The following ARSB variants were observed in gnomAD, a reference collection of about 807,000 sequenced individuals.
ARSB encodes arylsulfatase B.
Under a neutral mutation model 50.9 loss-of-function variants are expected in ARSB, and 41 were observed. The observed-to-expected ratio is 0.81, with a 90% CI of 0.63 to 1.04. ARSB has a LOEUF of 1.04. Ranked by LOEUF, ARSB falls within the 50% of genes least tolerant of loss-of-function variation. The pLI is 0.00. For synonymous variants in ARSB, 269 were observed against 284.8 expected, an observed-to-expected ratio of 0.94 and a Z score of 0.56; for missense variants, 672 against 693.3, an observed-to-expected ratio of 0.97 and a Z score of 0.35.
chr5:78,969,804 A>T (rs1752372637), intron 1 of ARSB, among the ~76,000 whole-genome samples: 1 of 152,190 alleles, frequency 6.6e-6, no homozygotes, highest in Non-Finnish European at 1.5e-5. Context: ...TTTTTAGTAG[A>T]GACGGGGTTT....
chr5:78,816,010 G>A lies in ARSB; in HGVS notation c.1213+23346C>T, dbSNP rs973263970. The A allele has an allele frequency of 1.0e-5, 16 of 1,549,758 alleles. 1 individual carries two copies. The African/African-American group carries it at 1.5e-4, about 14-fold the overall frequency. ...GCAGGAGCCACCCGAGGCCTTGAGG[G>A]GCCCTTTCAGAACCTTGGGTCTGAA... On this transcript the variant is annotated intron_variant, in intron 6 of 7. Transcript: ENST00000264914.
At chr5:78,839,494 C>T (rs1020653291) in intron 5 of ARSB, 68 bp from the exon 6 acceptor site, 2 of 1,391,480 alleles carry the variant, frequency 1.4e-6, no homozygotes, top group African/African-American at 2.9e-5. Context: ...TTTAATACTT[C>T]CCTTCCTTGT....
chr5:78,895,061 A>C (rs1411061908), intron 4 of ARSB, among the ~76,000 whole-genome samples: 1 of 152,182 alleles, frequency 6.6e-6, no homozygotes, highest in Non-Finnish European at 1.5e-5. Context: ...ACAAACAAAC[A>C]AATCAAAACA....
intron 6 of ARSB, among the ~76,000 whole-genome samples, chr5:78,792,008 A>G (rs886722511): frequency 3.3e-5 from 5 of 151,930 alleles, no homozygotes; most frequent in Admixed American, 2.0e-4. Context: ...AAATACACTA[A>G]CACTAATGAC....
chr5:78,975,559 T>C (rs1752629419), intron 1 of ARSB, among the ~76,000 whole-genome samples: 1 of 152,150 alleles, frequency 6.6e-6, no homozygotes. Context: ...TCTGGTGGAG[T>C]GGCCCCCTTG....
chr5:78,919,523 C>T (rs943167769), intron 4 of ARSB, among the ~76,000 whole-genome samples: 18 of 152,088 alleles, frequency 1.2e-4, no homozygotes, highest in Admixed American at 1.2e-3. Context: ...GAGGGAGTCT[C>T]GCTCTGTCAC....
chr5:78,816,035 A>T, intron 6 of ARSB: 2 of 1,613,314 alleles, frequency 1.2e-6, no homozygotes, highest in Non-Finnish European at 1.7e-6. Flanking sequence ...TTGGGTCTGA[A>T]GTCATTTCTT....
intron 5 of ARSB, among the ~76,000 whole-genome samples, chr5:78,868,946 CA>C (rs1256780164): frequency 6.6e-6 from 1 of 151,376 alleles, no homozygotes; most frequent in African/African-American, 2.4e-5. Context: ...CACATAGGCT[CA>C]AAATGAAAGG....
chr5:78,916,283 G>A (rs982550056), intron 4 of ARSB, among the ~76,000 whole-genome samples: 1 of 152,158 alleles, frequency 6.6e-6, no homozygotes, highest in Non-Finnish European at 1.5e-5. Flanking sequence ...CCCTGACTAC[G>A]GAAAGAAAGA....
chr5:78,818,596 CTCTTTT>C (rs1744091304), intron 6 of ARSB, among the ~76,000 whole-genome samples: 1 of 107,060 alleles, frequency 9.3e-6, no homozygotes, highest in Non-Finnish European at 1.8e-5. Context: ...TAAAATAAAG[CTCTTTT>C]TTTTTTTTTT....
intron 4 of ARSB, among the ~76,000 whole-genome samples, chr5:78,895,043 C>CCAAA (rs1226020161): frequency 4.6e-5 from 7 of 152,186 alleles, no homozygotes; most frequent in Admixed American, 1.3e-4. Context: ...AACCAACCAA[C>CCAAA]CAAACAAACA....
chr5:78,939,727 T>G (rs1442590384), intron 4 of ARSB, among the ~76,000 whole-genome samples: 1 of 152,194 alleles, frequency 6.6e-6, no homozygotes, highest in Non-Finnish European at 1.5e-5. Flanking sequence ...TTGTGAATAG[T>G]GCCGCAATAA....
intron 6 of ARSB, among the ~76,000 whole-genome samples, chr5:78,829,465 T>A (rs1426910210): frequency 6.6e-6 from 1 of 152,236 alleles, no homozygotes; most frequent in East Asian, 1.9e-4. Context: ...ATATCACTTA[T>A]CATTTGTTCT....
intron 5 of ARSB, among the ~76,000 whole-genome samples, chr5:78,875,181 C>A (rs7705217): frequency 0.23 from 34,955 of 151,882 alleles, 4,806 homozygotes; most frequent in Admixed American, 0.31. Context: ...CTCAAAACCA[C>A]AACTGAAATA....
intron 5 of ARSB, among the ~76,000 whole-genome samples, chr5:78,871,035 A>G (rs1347170400): frequency 6.6e-6 from 1 of 150,560 alleles, no homozygotes; most frequent in Non-Finnish European, 1.5e-5. Flanking sequence ...ACAAACAGAG[A>G]GCCAAATCAT....
At position 78,955,275 on chromosome 5, in the gene ARSB, T is replaced by C; in HGVS notation, c.898+20A>G. ...GTCCTAGGCTTTGCCAAGAGATGAT[T>C]TTCCTATTGACAGACTTACCTGTAG... is the stretch of plus-strand genomic sequence containing the variant. On this transcript the variant is annotated intron_variant, in intron 4 of 7. Coordinates refer to ENST00000264914, the MANE Select transcript of ARSB (RefSeq NM_000046.5). The C allele has an allele frequency of 6.2e-7, 1 of 1,613,072 alleles. No homozygotes were observed. The highest frequency in any genetic ancestry group is 8.5e-7 in the Non-Finnish European group (1 of 1,179,120).
intron 5 of ARSB, among the ~76,000 whole-genome samples, chr5:78,863,456 A>G (rs960450976): frequency 6.6e-6 from 1 of 152,094 alleles, no homozygotes; most frequent in African/African-American, 2.4e-5. Context: ...TGTCCTTTGT[A>G]GGGACATGGA....
At chr5:78,842,770 G>T (rs10942871) in intron 5 of ARSB, among the ~76,000 whole-genome samples, 50,733 of 135,852 alleles carry the variant, frequency 0.37, 10,253 homozygotes, top group Admixed American at 0.49. Context: ...TTTTGTTTTT[G>T]TTTTTTTCCC....
chr5:78,843,576 A>G (rs1745322406), intron 5 of ARSB, among the ~76,000 whole-genome samples: 2 of 152,180 alleles, frequency 1.3e-5, no homozygotes, highest in Non-Finnish European at 2.9e-5. Context: ...AAAACCATAC[A>G]ATCACCCATT....
Sources: gnomAD v4.1 joint callset for allele counts (sites outside exome capture counted in the v4.1 genomes callset) on GRCh38, gnomAD v4.1.1 for gene constraint, MANE v1.5 for transcripts, NCBI Gene and HGNC (gene_info 2026-07-23, HGNC 2026-07-21) for gene names.